Variants in LEKR1 observed in about 807,000 individuals in gnomAD.
LEKR1 encodes the protein protein LEKR1.
In LEKR1, 59 loss-of-function variants were observed where a neutral mutation model predicts 72.4. The observed-to-expected ratio is 0.82, with a 90% CI of 0.66 to 1.01. LEKR1 has a LOEUF of 1.01. Ranked by LOEUF, LEKR1 falls within the 50% of genes least tolerant of loss-of-function variation. The pLI, the probability that LEKR1 is intolerant of heterozygous loss-of-function variation, is 0.00. For synonymous variants in LEKR1, 257 were observed against 263.2 expected (o/e 0.98, Z 0.23); for missense variants, 728 against 759.2 (o/e 0.96, Z 0.48).
chr3:156,941,849 C>T (rs965688314), intron 5 of LEKR1, among the ~76,000 whole-genome samples: 8 of 151,966 alleles, frequency 5.3e-5, no homozygotes, highest in Non-Finnish European at 8.8e-5. Flanking sequence ...TAATATGCTC[C>T]ATGCATTTCT....
chr3:156,983,270 G>C (rs897590851), intron 7 of LEKR1, among the ~76,000 whole-genome samples: 3 of 152,108 alleles, frequency 2.0e-5, no homozygotes, highest in South Asian at 4.1e-4. Context: ...TGGTGATGCT[G>C]GTGGGCATGG....
At chr3:157,044,970 C>A (rs1465560216) in intron 12 of LEKR1, among the ~76,000 whole-genome samples, 2 of 152,142 alleles carry the variant, frequency 1.3e-5, no homozygotes, top group African/African-American at 2.4e-5. Flanking sequence ...ATGTGCAGAG[C>A]ATACTGTCTG....
At chr3:156,925,139 A>G (rs1182852058) in intron 4 of LEKR1, 1 of 152,032 alleles carries the variant, frequency 6.6e-6, no homozygotes, top group Non-Finnish European at 1.5e-5. Flanking sequence ...TTCTTTTATT[A>G]CAATTTATTT....
chr3:157,016,619 G>C (rs1184763227), intron 10 of LEKR1, among the ~76,000 whole-genome samples: 1 of 117,380 alleles, frequency 8.5e-6, no homozygotes, highest in Non-Finnish European at 1.9e-5. Flanking sequence ...ATACCAGATG[G>C]AAATATGGAT....
At chr3:156,960,955 G>A (rs1728080870) in intron 6 of LEKR1, among the ~76,000 whole-genome samples, 1 of 152,114 alleles carries the variant, frequency 6.6e-6, no homozygotes, top group Non-Finnish European at 1.5e-5. Context: ...AATCCTCTCA[G>A]AGGTCATTGT....
At chr3:156,856,111 G>A (rs1716027409) in intron 3 of LEKR1, among the ~76,000 whole-genome samples, 1 of 152,120 alleles carries the variant, frequency 6.6e-6, no homozygotes, top group African/African-American at 2.4e-5. Context: ...ATTAGAATTA[G>A]CTTTTTAATC....
At chr3:156,934,531 A>G (rs765096990) in intron 5 of LEKR1, among the ~76,000 whole-genome samples, 6 of 152,192 alleles carry the variant, frequency 3.9e-5, no homozygotes. Context: ...CAGTAGTACA[A>G]TTCCAAATTG....
chr3:156,834,829 T>C (rs929503845), intron 2 of LEKR1, among the ~76,000 whole-genome samples: 14 of 152,228 alleles, frequency 9.2e-5, no homozygotes, highest in African/African-American at 3.1e-4. Context: ...AGACCAAATG[T>C]CTAAATTTTG....
intron 2 of LEKR1, among the ~76,000 whole-genome samples, chr3:156,833,401 G>A (rs2108528548): frequency 6.6e-6 from 1 of 152,210 alleles, no homozygotes; most frequent in Non-Finnish European, 1.5e-5. Context: ...GATGACAAGA[G>A]GCTTAAACAG....
At chr3:156,902,032 A>G (rs1722088039) in intron 3 of LEKR1, among the ~76,000 whole-genome samples, 1 of 152,172 alleles carries the variant, frequency 6.6e-6, no homozygotes, top group Non-Finnish European at 1.5e-5. Flanking sequence ...AAGCTCACAT[A>G]TAATTTTCTT....
chr3:156,958,564 C>T (rs1727853306), intron 6 of LEKR1, among the ~76,000 whole-genome samples: 1 of 152,128 alleles, frequency 6.6e-6, no homozygotes, highest in Admixed American at 6.6e-5. Context: ...CTGATTTTAT[C>T]TCTGCCTACT....
At chr3:157,042,480 A>G (rs1476085180) in intron 12 of LEKR1, among the ~76,000 whole-genome samples, 1 of 152,196 alleles carries the variant, frequency 6.6e-6, no homozygotes, top group Non-Finnish European at 1.5e-5. Flanking sequence ...TGCACAGTTC[A>G]GCTTAGAGTC....
At chr3:156,926,025 C>T (rs1724686926) in intron 4 of LEKR1, among the ~76,000 whole-genome samples, 1 of 151,890 alleles carries the variant, frequency 6.6e-6, no homozygotes, top group African/African-American at 2.4e-5. Context: ...ATCGTAATAA[C>T]TTTTTTGATT....
At chr3:156,848,380 G>C (rs1436290466) in intron 2 of LEKR1, among the ~76,000 whole-genome samples, 1 of 152,090 alleles carries the variant, frequency 6.6e-6, no homozygotes. Context: ...ACAAGATTTA[G>C]AATATATTAT....
intron 6 of LEKR1, among the ~76,000 whole-genome samples, chr3:156,963,342 C>T (rs899131389): frequency 1.3e-5 from 2 of 152,154 alleles, no homozygotes; most frequent in Admixed American, 6.5e-5. Flanking sequence ...TACGTGGGCA[C>T]ACTCCTCCCT....
At chr3:156,936,881 G>GA (rs997990395) in intron 5 of LEKR1, among the ~76,000 whole-genome samples, 16 of 152,008 alleles carry the variant, frequency 1.1e-4, no homozygotes, top group Non-Finnish European at 1.8e-4. Flanking sequence ...AACTTTTAGG[G>GA]AAAAAAATCT....
At chr3:156,854,666 G>A (rs439295) in intron 3 of LEKR1, among the ~76,000 whole-genome samples, 35,081 of 149,780 alleles carry the variant, frequency 0.23, 6,126 homozygotes, top group African/African-American at 0.49. Context: ...TTAGCCTCCC[G>A]AGTAGCTGGG....
intron 10 of LEKR1, among the ~76,000 whole-genome samples, chr3:157,013,203 A>G (rs1296901003): frequency 6.6e-6 from 1 of 152,144 alleles, no homozygotes; most frequent in Non-Finnish European, 1.5e-5. Context: ...CCTCTTCTCA[A>G]ACTCCTGAGC....
chr3:156,912,043 A>G (rs1245278309), intron 3 of LEKR1, among the ~76,000 whole-genome samples: 2 of 151,402 alleles, frequency 1.3e-5, no homozygotes, highest in African/African-American at 2.4e-5. Flanking sequence ...TTTTTGATAC[A>G]TTGATATATT....
Sources: gnomAD v4.1 joint callset for allele counts (sites outside exome capture counted in the v4.1 genomes callset) on GRCh38, gnomAD v4.1.1 for gene constraint, MANE v1.5 for transcripts, NCBI Gene and HGNC (gene_info 2026-07-23, HGNC 2026-07-21) for gene names.